PDE4D: variants seen among roughly 807,000 people sequenced by gnomAD.
PDE4D encodes the protein phosphodiesterase 4D.
In PDE4D, 24 loss-of-function variants were observed where a neutral mutation model predicts 87.4. The ratio of observed to expected loss-of-function variants is 0.27; its 90% CI spans 0.20 to 0.39. PDE4D has a LOEUF of 0.39. Among genes scored for constraint, PDE4D ranks in the 10% least tolerant of loss-of-function variants. PDE4D has a pLI of 1.00. For synonymous variants in PDE4D, 384 were observed against 383.2 expected, an observed-to-expected ratio of 1.00 and a Z score of -0.02; for missense variants, 714 against 1,041.0, an observed-to-expected ratio of 0.69 and a Z score of 4.32.
At chr5:59,641,574 G>A (rs1413133850) in intron 1 of PDE4D, among the ~76,000 whole-genome samples, 1 of 152,070 alleles carries the variant, frequency 6.6e-6, no homozygotes, top group Non-Finnish European at 1.5e-5. Context: ...AGAAATAAAA[G>A]CACTTTAAAA....
chr5:59,692,418 A>C (rs1210771649), intron 1 of PDE4D, among the ~76,000 whole-genome samples: 1 of 152,242 alleles, frequency 6.6e-6, no homozygotes, highest in Non-Finnish European at 1.5e-5. Flanking sequence ...TCCCAGAACC[A>C]GTTTCTTAAA....
At chr5:59,344,390 C>T (rs1439238807) in intron 1 of PDE4D, among the ~76,000 whole-genome samples, 6 of 152,072 alleles carry the variant, frequency 3.9e-5, no homozygotes, top group Non-Finnish European at 7.4e-5. Flanking sequence ...GTGACTCTTA[C>T]GTAAAAATTA....
chr5:60,401,933 T>G (rs369715683), intron 1 of PDE4D, among the ~76,000 whole-genome samples: 18 of 152,300 alleles, frequency 1.2e-4, no homozygotes, highest in African/African-American at 4.3e-4. Flanking sequence ...TAAAGCACTA[T>G]GAAATGAATC....
chr5:59,573,151 T>G (rs1052608704), intron 1 of PDE4D, among the ~76,000 whole-genome samples: 4 of 152,176 alleles, frequency 2.6e-5, no homozygotes, highest in African/African-American at 9.7e-5. Flanking sequence ...TCTGCTTAAC[T>G]CTTGAAAGAT....
chr5:59,996,052 C>A (rs1004591245), intron 2 of PDE4D, among the ~76,000 whole-genome samples: 1 of 152,062 alleles, frequency 6.6e-6, no homozygotes, highest in Admixed American at 6.6e-5. Context: ...ATAAAAATTC[C>A]AAAACTTCAG....
At chr5:59,325,481 G>A (rs1775483375) in intron 1 of PDE4D, among the ~76,000 whole-genome samples, 1 of 152,138 alleles carries the variant, frequency 6.6e-6, no homozygotes, top group South Asian at 2.1e-4. Flanking sequence ...CTACACAGTA[G>A]TGTATTAAAC....
chr5:60,358,259 A>G (rs1360518187), intron 1 of PDE4D, among the ~76,000 whole-genome samples: 2 of 152,194 alleles, frequency 1.3e-5, no homozygotes, highest in Non-Finnish European at 2.9e-5. Context: ...GACGGATTAT[A>G]TAGAGATAGA....
At chr5:59,793,869 G>A (rs1161559543) in intron 1 of PDE4D, among the ~76,000 whole-genome samples, 2 of 152,120 alleles carry the variant, frequency 1.3e-5, no homozygotes, top group East Asian at 3.9e-4. Flanking sequence ...ATTTTTAAGT[G>A]TTACTACTTA....
chr5:59,143,661 C>T (rs575080485), intron 5 of PDE4D, among the ~76,000 whole-genome samples: 1 of 152,362 alleles, frequency 6.6e-6, no homozygotes, highest in East Asian at 1.9e-4. Flanking sequence ...TCTCATACTG[C>T]TCACATCACT....
intron 5 of PDE4D, among the ~76,000 whole-genome samples, chr5:59,120,650 T>C (rs755409024): frequency 4.7e-5 from 7 of 150,314 alleles, no homozygotes; most frequent in Non-Finnish European, 1.0e-4. Context: ...AAAACCAATG[T>C]CATTTTTCAC....
At position 58,973,602 on chromosome 5, in the gene PDE4D, T is replaced by C. The variant is rs1460769405; in HGVS notation, c.*1062A>G. 6.6e-6 allele frequency: 1 copy of C among 152,624 alleles called. No individual in the cohort carries two copies. Among genetic ancestry groups the C allele is most frequent in the Non-Finnish European group, 1.5e-5 (1 of 68,020 alleles). 9.5% of individuals were successfully genotyped at this position (152,624 alleles called of 1,614,324 possible). ...GACCATTTTAGCTACTGGGTATTTA[T>C]ATATCTCCCACTTGCTTCAGACAAC... On this transcript the variant is annotated 3_prime_UTR_variant, in exon 15 of 15. Coordinates refer to ENST00000340635, the MANE Select transcript of PDE4D (RefSeq NM_001104631.2).
chr5:59,711,461 A>G (rs1421675536), intron 1 of PDE4D, among the ~76,000 whole-genome samples: 2 of 152,106 alleles, frequency 1.3e-5, no homozygotes, highest in East Asian at 3.9e-4. Flanking sequence ...CTGTTGCATA[A>G]TCTTTCAATT....
chr5:59,113,012 G>A (rs951333265), intron 5 of PDE4D, among the ~76,000 whole-genome samples: 1 of 151,852 alleles, frequency 6.6e-6, no homozygotes, highest in African/African-American at 2.4e-5. Flanking sequence ...TGTTGGTCAG[G>A]CTGGTCTCAA....
intron 1 of PDE4D, among the ~76,000 whole-genome samples, chr5:60,474,151 A>ATATAT (rs1748124819): frequency 3.1e-5 from 1 of 32,662 alleles, no homozygotes; most frequent in Non-Finnish European, 5.5e-5. Flanking sequence ...TATATATATA[A>ATATAT]CAAAAACCTT....
At chr5:59,179,587 A>G in intron 5 of PDE4D, 2 of 398,684 alleles carry the variant, frequency 5.0e-6, no homozygotes. Context: ...GACATTAACA[A>G]TGATTCCAGA....
chr5:59,526,343 T>C (rs868084685), intron 1 of PDE4D, among the ~76,000 whole-genome samples: 4 of 152,154 alleles, frequency 2.6e-5, no homozygotes, highest in South Asian at 2.1e-4. Flanking sequence ...TAAGGGACCA[T>C]GAAGGGGGAG....
chr5:60,246,440 C>T (rs1747792321), intron 1 of PDE4D, among the ~76,000 whole-genome samples: 7 of 151,736 alleles, frequency 4.6e-5, no homozygotes, highest in Admixed American at 4.6e-4. Flanking sequence ...GAATCTTATG[C>T]TCTCCAACAT....
At chr5:59,755,760 T>C (rs908835373) in intron 1 of PDE4D, among the ~76,000 whole-genome samples, 8 of 151,838 alleles carry the variant, frequency 5.3e-5, no homozygotes, top group African/African-American at 1.9e-4. Flanking sequence ...CAAGCAGGAA[T>C]GATAATCCAA....
intron 3 of PDE4D, among the ~76,000 whole-genome samples, chr5:59,931,590 T>G (rs1755927636): frequency 6.6e-6 from 1 of 152,042 alleles, no homozygotes; most frequent in African/African-American, 2.4e-5. Context: ...CATGAAAACC[T>G]ATTAATCCAG....
Sources: allele counts gnomAD v4.1 joint callset (sites outside exome capture counted in the v4.1 genomes callset), GRCh38; gene constraint gnomAD v4.1.1; transcripts MANE v1.5; gene names NCBI Gene and HGNC (gene_info 2026-07-23, HGNC 2026-07-21).